ATP2B4: variants seen among roughly 807,000 people sequenced by gnomAD.
ATP2B4 encodes the protein plasma membrane calcium-transporting ATPase 4.
In ATP2B4, 39 loss-of-function variants were observed where a neutral mutation model predicts 110.3. That is an observed-to-expected ratio of 0.35 (90% CI 0.27 to 0.46). The LOEUF (loss-of-function observed/expected upper bound fraction) is 0.46. Among genes scored for constraint, ATP2B4 ranks in the 20% least tolerant of loss-of-function variants. The pLI, the probability that ATP2B4 is intolerant of heterozygous loss-of-function variation, is 1.00. For missense variants in ATP2B4, 1,135 were observed against 1,530.9 expected (o/e 0.74, Z 4.32); for synonymous variants, 538 against 571.7 (o/e 0.94, Z 0.84).
intron 1 of ATP2B4, among the ~76,000 whole-genome samples, chr1:203,628,055 A>C (rs1177232023): frequency 6.6e-6 from 1 of 152,062 alleles, no homozygotes; most frequent in Non-Finnish European, 1.5e-5. Flanking sequence ...AAAGTTTCCG[A>C]TGTCGAGGCT....
At chr1:203,728,884 G>T (rs115109240) in intron 20 of ATP2B4, among the ~76,000 whole-genome samples, 1 of 150,870 alleles carries the variant, frequency 6.6e-6, no homozygotes, top group African/African-American at 2.4e-5. Context: ...TGGGCGCGGT[G>T]GTTCTCACCT....
chr1:203,723,455 TCTCTCCCTCTGC>T (rs1666404937), intron 18 of ATP2B4, among the ~76,000 whole-genome samples: 1 of 135,120 alleles, frequency 7.4e-6, no homozygotes, highest in African/African-American at 3.1e-5. Context: ...TCTCTCTCTC[TCTCTCCCTCTGC>T]CTCTCTCTCT....
intron 1 of ATP2B4, among the ~76,000 whole-genome samples, chr1:203,665,107 C>A (rs1044612093): frequency 2.6e-5 from 4 of 152,312 alleles, no homozygotes; most frequent in African/African-American, 9.6e-5. Context: ...GCGTGAGCCA[C>A]CGCACCCGGC....
At chr1:203,718,397 C>G (rs183919869) in intron 15 of ATP2B4, among the ~76,000 whole-genome samples, 121 of 152,242 alleles carry the variant, frequency 7.9e-4, no homozygotes, top group African/African-American at 2.9e-3. Context: ...CTCCCAGGTA[C>G]AAGCAGTTCT....
At chr1:203,714,061 A>G in intron 14 of ATP2B4, 110 bp from the exon 15 acceptor site, 2 of 1,070,320 alleles carry the variant, frequency 1.9e-6, no homozygotes, top group Non-Finnish European at 1.4e-6. Flanking sequence ...TAGAACTTCT[A>G]GGAAAGGGAA....
intron 3 of ATP2B4, 114 bp downstream of exon 3, chr1:203,698,468 TCCAG>T: frequency 8.6e-7 from 1 of 1,161,770 alleles, no homozygotes. Flanking sequence ...TCCCCCATTA[TCCAG>T]AGTGGGCTTT....
intron 5 of ATP2B4, 137 bp from the exon 6 acceptor site, chr1:203,700,661 C>G: frequency 7.9e-7 from 1 of 1,263,954 alleles, no homozygotes; most frequent in East Asian, 2.4e-5. Context: ...AGCTCTTGAC[C>G]TTTTCCTACT....
In ATP2B4 at chr1:203,722,532, C is replaced by A. The variant is rs1666369659; in HGVS notation, c.2867C>A (p.Pro956His). The A allele has an allele frequency of 6.2e-7, 1 of 1,614,030 alleles. No individual in the cohort carries two copies. The highest frequency in any genetic ancestry group is 1.3e-5 in the African/African-American group (1 of 74,926). Residue 956 changes from proline to histidine, a missense_variant, in exon 18 of 21, where the codon CCC becomes CAC. Pro to His is a moderately conservative substitution (Grantham distance 77). Transcript: ENST00000357681. ...AGGAAGGCACCTCTACATTCACCACCCAGCCAGCACTATACCATTGTTTTT... is the reference window on the plus strand; with the variant it reads ...AGGAAGGCACCTCTACATTCACCACACAGCCAGCACTATACCATTGTTTTT... ...SGRKAPLHSP[P>H]SQHYTIVFNT...
chr1:203,696,222 C>T (rs962867344), intron 2 of ATP2B4, among the ~76,000 whole-genome samples: 1 of 152,156 alleles, frequency 6.6e-6, no homozygotes, highest in Admixed American at 6.5e-5. Flanking sequence ...CCACCACGCC[C>T]GGCCCACTCT....
intron 5 of ATP2B4, 107 bp downstream of exon 5, chr1:203,700,438 G>A (rs950358478): frequency 1.4e-6 from 2 of 1,409,820 alleles, no homozygotes; most frequent in African/African-American, 1.4e-5. Context: ...TCCTTCCCTG[G>A]GGTTCAGCTG....
At chr1:203,723,400 T>A (rs1226407868) in intron 18 of ATP2B4, among the ~76,000 whole-genome samples, 8 of 147,988 alleles carry the variant, frequency 5.4e-5, no homozygotes, top group African/African-American at 2.0e-4. Flanking sequence ...TTGTTTTTTT[T>A]TTTTTCGTTT....
intron 2 of ATP2B4, among the ~76,000 whole-genome samples, chr1:203,690,329 G>A (rs1212247391): frequency 1.3e-5 from 2 of 152,148 alleles, no homozygotes; most frequent in Non-Finnish European, 2.9e-5. Flanking sequence ...GGAAAAAATT[G>A]AGTACATATC....
At chr1:203,717,621 A>ATTTAT (rs1666196129) in intron 15 of ATP2B4, among the ~76,000 whole-genome samples, 1 of 95,780 alleles carries the variant, frequency 1.0e-5, no homozygotes. Flanking sequence ...GTGAAATGGT[A>ATTTAT]TTTATTTTAT....
At chr1:203,663,288 A>AGGG (rs998078075) in intron 1 of ATP2B4, among the ~76,000 whole-genome samples, 3 of 152,134 alleles carry the variant, frequency 2.0e-5, no homozygotes, top group African/African-American at 7.2e-5. Flanking sequence ...GAATTCCCTA[A>AGGG]GGGAAAGAGC....
At chr1:203,632,527 T>G (rs1663301891) in intron 1 of ATP2B4, among the ~76,000 whole-genome samples, 1 of 151,296 alleles carries the variant, frequency 6.6e-6, no homozygotes, top group African/African-American at 2.4e-5. Context: ...GTATTTTTAG[T>G]AGAGACAGGG....
chr1:203,708,783 A>C (rs1665920806), intron 10 of ATP2B4, among the ~76,000 whole-genome samples: 1 of 152,194 alleles, frequency 6.6e-6, no homozygotes. Context: ...TGAGCCTAAG[A>C]GGTCAAGTCT....
rs7528898 is a variant in ATP2B4, at chr1:203,700,009, T to G, written c.650-197T>G. On this transcript the variant is annotated intron_variant, in intron 4 of 20. Coordinates refer to ENST00000357681, the MANE Select transcript of ATP2B4 (RefSeq NM_001684.5). The stretch of plus-strand genomic sequence containing the variant: ...GATGAATAAGAGTTTGAATTTATAA[T>G]GCCTGGAAAGCAACCTTCTCCCAGA... 9.9e-3 allele frequency among the ~76,000 whole-genome samples: 1,505 copies of G among 152,256 alleles called. 26 individuals carry two copies. Among genetic ancestry groups the G allele is most frequent in the African/African-American group, 0.033 (1,383 of 41,544 alleles).
At chr1:203,721,495 C>T (rs1666322066) in intron 17 of ATP2B4, 85 bp downstream of exon 17, 29 of 1,387,398 alleles carry the variant, frequency 2.1e-5, no homozygotes, top group Non-Finnish European at 2.8e-5. Flanking sequence ...AGCAAGTGCA[C>T]AGGTCAGGAA....
intron 1 of ATP2B4, among the ~76,000 whole-genome samples, chr1:203,667,245 C>G (rs937290531): frequency 6.6e-6 from 1 of 152,208 alleles, no homozygotes; most frequent in Non-Finnish European, 1.5e-5. Context: ...AATCATTGTG[C>G]CCTGCCTCTA....
Sources: allele counts gnomAD v4.1 joint callset (sites outside exome capture counted in the v4.1 genomes callset), GRCh38; gene constraint gnomAD v4.1.1; transcripts MANE v1.5; gene names NCBI Gene and HGNC (gene_info 2026-07-23, HGNC 2026-07-21).